Variants in MBD2 observed in about 807,000 individuals in gnomAD.
MBD2 encodes the protein methyl-CpG binding domain protein 2, also known as methyl-CpG-binding domain protein 2.
A neutral mutation model predicts 39.3 loss-of-function variants in MBD2; 9 were observed. The ratio of observed to expected loss-of-function variants is 0.23; its 90% CI spans 0.14 to 0.40. The LOEUF (loss-of-function observed/expected upper bound fraction) is 0.40, where lower values mean the gene tolerates loss of function less well. Ranked by LOEUF, MBD2 falls within the 10% of genes least tolerant of loss-of-function variation. MBD2 has a pLI of 1.00. For synonymous variants in MBD2, 233 were observed against 211.1 expected (o/e 1.10, Z -0.90); for missense variants, 458 against 532.6 (o/e 0.86, Z 1.38).
chr18:54,182,091 A>T (rs1718591866), intron 3 of MBD2, among the ~76,000 whole-genome samples: 2 of 152,126 alleles, frequency 1.3e-5, no homozygotes, highest in African/African-American at 4.8e-5. Flanking sequence ...GACAGCAGGG[A>T]CTTTGTCTTG....
intron 2 of MBD2, among the ~76,000 whole-genome samples, chr18:54,199,152 T>C (rs113646471): frequency 0.032 from 4,919 of 152,192 alleles, 267 homozygotes; most frequent in African/African-American, 0.11. Context: ...TTTAAAACAT[T>C]TGAAAGAACA....
intron 5 of MBD2, among the ~76,000 whole-genome samples, chr18:54,160,650 T>TAAAAA (rs574101659): frequency 1.3e-4 from 10 of 74,494 alleles, no homozygotes; most frequent in Non-Finnish European, 2.0e-4. Flanking sequence ...CTTTAAAAAG[T>TAAAAA]AAAAAAAAAA....
intron 2 of MBD2, among the ~76,000 whole-genome samples, chr18:54,199,227 C>T (rs1599097837): frequency 6.6e-6 from 1 of 152,168 alleles, no homozygotes; most frequent in East Asian, 1.9e-4. Context: ...AGGACTTATC[C>T]TTTCTATCCA....
At chr18:54,166,221 G>A (rs370415313) in intron 3 of MBD2, 55 bp from the exon 4 acceptor site, 35 of 988,534 alleles carry the variant, frequency 3.5e-5, no homozygotes, top group Admixed American at 2.2e-4. Context: ...AGAAAGTAGC[G>A]CATCGATGCT....
chr18:54,195,723 A>G (rs2086360570), intron 2 of MBD2, among the ~76,000 whole-genome samples: 1 of 152,150 alleles, frequency 6.6e-6, no homozygotes, highest in South Asian at 2.1e-4. Flanking sequence ...AAAAAAAAGA[A>G]AAAAACCAGC....
chr18:54,181,938 C>T (rs1448284384), intron 3 of MBD2, among the ~76,000 whole-genome samples: 1 of 152,202 alleles, frequency 6.6e-6, no homozygotes, highest in East Asian at 1.9e-4. Context: ...AATGTTCCCT[C>T]CATATTTCTC....
At position 54,224,199 on chromosome 18, in the gene MBD2, C is replaced by CGCCGCCGCCACCGCT. The variant is rs1216502878; in HGVS notation, c.346_360dup (p.Ser116_Gly120dup). 5.0e-6 allele frequency: 6 copies of CGCCGCCGCCACCGCT among 1,202,748 alleles called. No individual in the cohort carries two copies. Among genetic ancestry groups the CGCCGCCGCCACCGCT allele is most frequent in the African/African-American group, 3.2e-5 (2 of 62,392 alleles). The allele number at this position is 1,202,748 out of a possible 1,614,324, so 74.5% of individuals were successfully genotyped here. On this transcript the variant is annotated inframe_insertion, in exon 1 of 7. Coordinates refer to ENST00000256429, the MANE Select transcript of MBD2 (RefSeq NM_003927.5). Reference sequence around the variant, plus strand: ...AAAGGGACCGGCTCCCGCCGGGGGGCGCCGCCGCCACCGCTGCCGCCGCCG... The same window carrying CGCCGCCGCCACCGCT: ...AAAGGGACCGGCTCCCGCCGGGGGGCGCCGCCGCCACCGCTGCCGCCGCCACCGCTGCCGCCGCCG...
intron 1 of MBD2, among the ~76,000 whole-genome samples, chr18:54,223,405 G>A (rs753154077): frequency 2.7e-4 from 41 of 152,292 alleles, no homozygotes; most frequent in South Asian, 4.1e-4. Context: ...CCCCAGGTGT[G>A]AGAACCGAAA....
chr18:54,180,897 C>CCTTTTTTTTTTTTTTTTTTTT (rs2086246150), intron 3 of MBD2, among the ~76,000 whole-genome samples: 2 of 105,372 alleles, frequency 1.9e-5, no homozygotes, highest in African/African-American at 7.8e-5. Context: ...TTAATTTTTT[C>CCTTTTTTTTTTTTTTTTTTTT]TTTTTCTTTT....
chr18:54,169,213 T>C (rs1009139894), intron 3 of MBD2, among the ~76,000 whole-genome samples: 17 of 152,192 alleles, frequency 1.1e-4, no homozygotes, highest in Admixed American at 1.0e-3. Flanking sequence ...ATAATGACCA[T>C]GTTCTTTTCT....
At chr18:54,206,456 A>G (rs1802790051) in intron 1 of MBD2, among the ~76,000 whole-genome samples, 1 of 152,258 alleles carries the variant, frequency 6.6e-6, no homozygotes, top group South Asian at 2.1e-4. Context: ...TGTCACATTT[A>G]GAACTTAACC....
chr18:54,198,164 TC>T, intron 2 of MBD2, among the ~76,000 whole-genome samples: 1 of 152,310 alleles, frequency 6.6e-6, no homozygotes, highest in South Asian at 2.1e-4. Context: ...ATCAGAATGG[TC>T]CTACCACAGG....
At chr18:54,176,450 C>T (rs557955849) in intron 3 of MBD2, among the ~76,000 whole-genome samples, 58 of 152,320 alleles carry the variant, frequency 3.8e-4, no homozygotes, top group African/African-American at 1.4e-3. Flanking sequence ...GAATATCTTA[C>T]TTTCATAAGA....
Position 54,224,287 on chromosome 18 carries a change from G to GT in MBD2, c.272_273insA (p.Arg92ProfsTer94). 2.1e-6 allele frequency: 2 copies of GT among 943,254 alleles called. No homozygotes were observed. Among genetic ancestry groups the GT allele is most frequent in the Non-Finnish European group, 2.5e-6 (2 of 794,676 alleles). The allele number at this position is 943,254 out of a possible 1,614,324, so 58.4% of individuals were successfully genotyped here. A position where few individuals can be genotyped will look rare whatever the true frequency, so the allele number is the denominator to read the frequency against. ...CACTCGGGGGACGGCCGCGGCCCCG[G>GT]CCCCGGCCCCGTCCCCGTCCCCGGC... On this transcript the variant is annotated frameshift_variant, in exon 1 of 7. Coordinates refer to ENST00000256429, the MANE Select transcript of MBD2 (RefSeq NM_003927.5). LOFTEE classifies it high-confidence loss of function.
Position 54,164,635 on chromosome 18 carries a change from A to G in MBD2, c.997T>C (p.Ser333Pro). The change falls in exon 5 of 7, where the codon TCT becomes CCT. Residue 333 changes from serine (S) to proline (P), a missense_variant. Physicochemically the swap from Ser to Pro is moderately conservative, Grantham distance 74. Coordinates refer to ENST00000256429, the MANE Select transcript of MBD2 (RefSeq NM_003927.5). ...SAVASALHTS[S>P]APITGQVSAA... Reference sequence around the variant, plus strand: ...GAGACTTGCCCTGTGATTGGCGCAGAGCTTGTGTGCAAAGCACTGGCAACA... The same window carrying G: ...GAGACTTGCCCTGTGATTGGCGCAGGGCTTGTGTGCAAAGCACTGGCAACA... 1 of 1,614,172 alleles carries G rather than the reference A, an allele frequency of 6.2e-7. No individual in the cohort carries two copies. Among genetic ancestry groups the G allele is most frequent in the Non-Finnish European group, 8.5e-7 (1 of 1,180,012 alleles).
At position 54,153,593 on chromosome 18, in the gene MBD2, C is replaced by T. The variant is rs370462286; in HGVS notation, c.*1731G>A. Reference sequence around the variant, plus strand: ...GATCACCAAGGTGAAGTTACCCCAACCCTGATCACAAATGAAGAATCGTGG... The same window carrying T: ...GATCACCAAGGTGAAGTTACCCCAATCCTGATCACAAATGAAGAATCGTGG... On this transcript the variant is annotated 3_prime_UTR_variant, in exon 7 of 7. Coordinates refer to ENST00000256429, the MANE Select transcript of MBD2 (RefSeq NM_003927.5). The T allele has an allele frequency of 3.3e-5, 5 of 152,184 alleles. No homozygotes were observed. The highest frequency in any genetic ancestry group is 1.2e-4 in the African/African-American group (5 of 41,440). 9.4% of individuals were successfully genotyped at this position (152,184 alleles called of 1,614,324 possible). A position where few individuals can be genotyped will look rare whatever the true frequency, so the allele number is the denominator to read the frequency against.
intron 1 of MBD2, among the ~76,000 whole-genome samples, chr18:54,206,741 T>C (rs1364064946): frequency 6.6e-6 from 1 of 151,580 alleles, no homozygotes; most frequent in East Asian, 1.9e-4. Flanking sequence ...AGCAGGCAGA[T>C]GAAAATAACA....
At chr18:54,222,885 A>G (rs2086627275) in intron 1 of MBD2, among the ~76,000 whole-genome samples, 2 of 152,252 alleles carry the variant, frequency 1.3e-5, no homozygotes, top group African/African-American at 4.8e-5. Context: ...CAATCTAGTT[A>G]AAAGTATTTT....
intron 2 of MBD2, among the ~76,000 whole-genome samples, chr18:54,204,158 A>G (rs1260529852): frequency 6.6e-6 from 1 of 152,184 alleles, no homozygotes; most frequent in Non-Finnish European, 1.5e-5. Flanking sequence ...TAAGAAAGAG[A>G]GCCCCTACTT....
Sources: gnomAD v4.1 joint callset for allele counts (sites outside exome capture counted in the v4.1 genomes callset) on GRCh38, gnomAD v4.1.1 for gene constraint, MANE v1.5 for transcripts, NCBI Gene and HGNC (gene_info 2026-07-23, HGNC 2026-07-21) for gene names.